Variants in DPP10 observed in about 807,000 individuals in gnomAD.
DPP10 encodes dipeptidyl peptidase like 10.
Under a neutral mutation model 120.9 loss-of-function variants are expected in DPP10, and 33 were observed. That is an observed-to-expected ratio of 0.27 (90% CI 0.21 to 0.37). The LOEUF (loss-of-function observed/expected upper bound fraction) is 0.37, where lower values mean the gene tolerates loss of function less well. DPP10 is among the 10% of genes least tolerant of loss of function. The probability of loss-of-function intolerance (pLI) is 1.00; values close to 1 mark genes in which losing one functional copy is unlikely to be tolerated. For missense variants in DPP10, 816 were observed against 942.8 expected, an observed-to-expected ratio of 0.87 and a Z score of 1.76; for synonymous variants, 337 against 326.1, an observed-to-expected ratio of 1.03 and a Z score of -0.36.
At chr2:115,098,137 T>TG (rs1433690088) in intron 1 of DPP10, among the ~76,000 whole-genome samples, 4 of 152,184 alleles carry the variant, frequency 2.6e-5, no homozygotes, top group African/African-American at 9.7e-5. Context: ...GGATGAGGGA[T>TG]GGGTGCACAC....
intron 5 of DPP10, among the ~76,000 whole-genome samples, chr2:115,595,730 C>T (rs775667687): frequency 1.3e-5 from 2 of 151,938 alleles, no homozygotes; most frequent in African/African-American, 2.4e-5. Context: ...TTCCTTTCCT[C>T]CCCAATTTTC....
chr2:115,053,613 A>C (rs1239805378), intron 1 of DPP10, among the ~76,000 whole-genome samples: 1 of 152,222 alleles, frequency 6.6e-6, no homozygotes, highest in African/African-American at 2.4e-5. Flanking sequence ...TAAAATGGTA[A>C]ATTTTATCCC....
At chr2:115,095,680 A>C (rs897104005) in intron 1 of DPP10, among the ~76,000 whole-genome samples, 1 of 151,848 alleles carries the variant, frequency 6.6e-6, no homozygotes, top group African/African-American at 2.4e-5. Context: ...CTTGGGTTCA[A>C]ACAGAAATTC....
chr2:115,234,284 T>C (rs1475523347), intron 1 of DPP10, among the ~76,000 whole-genome samples: 2 of 152,178 alleles, frequency 1.3e-5, no homozygotes, highest in Non-Finnish European at 2.9e-5. Flanking sequence ...CCCTGCACTA[T>C]GTTTCCTTTT....
At chr2:114,920,182 A>T (rs576830272) in intron 1 of DPP10, among the ~76,000 whole-genome samples, 8 of 152,326 alleles carry the variant, frequency 5.3e-5, no homozygotes, top group African/African-American at 1.9e-4. Context: ...GAAACAATCT[A>T]GCACATCCCT....
intron 9 of DPP10, among the ~76,000 whole-genome samples, chr2:115,740,578 A>G (rs1383709032): frequency 6.6e-6 from 1 of 152,074 alleles, no homozygotes; most frequent in Non-Finnish European, 1.5e-5. Flanking sequence ...AGTCATAGCC[A>G]TGGTTAGGTA....
chr2:115,778,156 C>A (rs560384021), intron 15 of DPP10, among the ~76,000 whole-genome samples: 2 of 152,206 alleles, frequency 1.3e-5, no homozygotes, highest in African/African-American at 4.8e-5. Context: ...CTCGTGCCTT[C>A]ATCTTCTGCT....
intron 1 of DPP10, among the ~76,000 whole-genome samples, chr2:114,810,700 T>A (rs1226129087): frequency 6.6e-6 from 1 of 152,228 alleles, no homozygotes; most frequent in African/African-American, 2.4e-5. Context: ...TGGTGTTATT[T>A]TCTTTATTCC....
intron 1 of DPP10, among the ~76,000 whole-genome samples, chr2:115,009,586 GAAAAAAAAA>G (rs112056191): frequency 2.1e-4 from 27 of 126,710 alleles, no homozygotes; most frequent in African/African-American, 7.6e-4. Context: ...AATAATAAAA[GAAAAAAAAA>G]AAAAGAAAAG....
At chr2:115,304,339 T>G (rs551332710) in intron 1 of DPP10, among the ~76,000 whole-genome samples, 1 of 152,112 alleles carries the variant, frequency 6.6e-6, no homozygotes, top group South Asian at 2.1e-4. Context: ...GTGATTGGTG[T>G]GATTGGGTTA....
intron 1 of DPP10, chr2:115,064,887 A>G: frequency 7.9e-7 from 1 of 1,264,296 alleles, no homozygotes; most frequent in Non-Finnish European, 1.0e-6. Flanking sequence ...ATTCTCTTGT[A>G]CTGAATTGTC....
chr2:115,801,558 T>C (rs1347308913), intron 19 of DPP10, among the ~76,000 whole-genome samples: 2 of 152,196 alleles, frequency 1.3e-5, no homozygotes, highest in Non-Finnish European at 2.9e-5. Context: ...CAGAATGATA[T>C]TGGCTGTGGG....
chr2:114,757,736 C>A (rs573556721), intron 1 of DPP10, among the ~76,000 whole-genome samples: 18 of 152,214 alleles, frequency 1.2e-4, no homozygotes, highest in African/African-American at 4.3e-4. Flanking sequence ...CACAACCTGC[C>A]CCAGACCTAC....
intron 1 of DPP10, among the ~76,000 whole-genome samples, chr2:115,246,972 A>G (rs1416239662): frequency 6.6e-6 from 1 of 152,102 alleles, no homozygotes; most frequent in Non-Finnish European, 1.5e-5. Flanking sequence ...GAGAAAACCT[A>G]CTATCACCAA....
chr2:114,865,929 A>G (rs983134606), intron 1 of DPP10, among the ~76,000 whole-genome samples: 1 of 152,058 alleles, frequency 6.6e-6, no homozygotes, highest in African/African-American at 2.4e-5. Context: ...CCTGACCAAC[A>G]TGGAGAAATC....
chr2:115,429,788 G>T (rs1387914245), intron 3 of DPP10, among the ~76,000 whole-genome samples: 3 of 152,118 alleles, frequency 2.0e-5, no homozygotes, highest in Non-Finnish European at 4.4e-5. Flanking sequence ...AGGTAGATAT[G>T]GGACAAATAC....
At chr2:114,617,302 A>C (rs947971512) in intron 1 of DPP10, among the ~76,000 whole-genome samples, 9 of 152,090 alleles carry the variant, frequency 5.9e-5, no homozygotes, top group Admixed American at 1.3e-4. Context: ...TTAATATAGT[A>C]TTGTAGTTAG....
chr2:115,478,208 G>A (rs1039188254), intron 3 of DPP10, among the ~76,000 whole-genome samples: 1 of 152,074 alleles, frequency 6.6e-6, no homozygotes, highest in African/African-American at 2.4e-5. Flanking sequence ...CATAACAACA[G>A]ACATATAGAC....
intron 2 of DPP10, among the ~76,000 whole-genome samples, chr2:115,312,602 C>T (rs1482523689): frequency 2.0e-5 from 3 of 152,068 alleles, no homozygotes; most frequent in Admixed American, 6.6e-5. Flanking sequence ...TGGCTGTGTA[C>T]GTCTGTGGTC....
Sources: gnomAD v4.1 joint callset for allele counts (sites outside exome capture counted in the v4.1 genomes callset) on GRCh38, gnomAD v4.1.1 for gene constraint, MANE v1.5 for transcripts, NCBI Gene and HGNC (gene_info 2026-07-23, HGNC 2026-07-21) for gene names.